The following TCF7L2 variants were observed in gnomAD, a reference collection of about 807,000 sequenced individuals.
TCF7L2 encodes the protein transcription factor 7 like 2.
A neutral mutation model predicts 77.9 loss-of-function variants in TCF7L2; 23 were observed. The observed-to-expected ratio is 0.30, with a 90% CI of 0.21 to 0.42. The LOEUF is 0.42. Ranked by LOEUF, TCF7L2 falls within the 10% of genes least tolerant of loss-of-function variation. TCF7L2 has a pLI of 1.00. For missense variants in TCF7L2, 654 were observed against 793.1 expected, an observed-to-expected ratio of 0.82 and a Z score of 2.11; for synonymous variants, 413 against 340.2, an observed-to-expected ratio of 1.21 and a Z score of -2.36.
intron 5 of TCF7L2, among the ~76,000 whole-genome samples, chr10:113,070,634 G>A (rs1363272128): frequency 6.6e-6 from 1 of 152,182 alleles, no homozygotes. Flanking sequence ...AGAAGGTACT[G>A]AAGTCTCAAG....
intron 4 of TCF7L2, among the ~76,000 whole-genome samples, chr10:112,983,639 A>G (rs758270405): frequency 1.5e-4 from 23 of 152,278 alleles, no homozygotes; most frequent in Non-Finnish European, 2.8e-4. Flanking sequence ...CTGAGTTTGT[A>G]ATAAGCGTGT....
chr10:113,121,868 G>A (rs1277529290), intron 5 of TCF7L2, among the ~76,000 whole-genome samples: 1 of 152,166 alleles, frequency 6.6e-6, no homozygotes, highest in Non-Finnish European at 1.5e-5. Context: ...GGGGTGCTGA[G>A]GCAGCCCTGA....
chr10:113,028,330 GC>G (rs2049580179), intron 4 of TCF7L2, among the ~76,000 whole-genome samples: 1 of 152,124 alleles, frequency 6.6e-6, no homozygotes, highest in African/African-American at 2.4e-5. Context: ...GGGTCGTGGG[GC>G]CTCCAGAAGG....
chr10:113,007,308 A>T (rs1408402815), intron 4 of TCF7L2, among the ~76,000 whole-genome samples: 1 of 152,176 alleles, frequency 6.6e-6, no homozygotes, highest in East Asian at 1.9e-4. Context: ...GGGCAACCTC[A>T]TTCCTTCTCT....
chr10:113,111,835 A>G (rs34855922), intron 5 of TCF7L2, among the ~76,000 whole-genome samples: 31,683 of 152,178 alleles, frequency 0.21, 4,069 homozygotes, highest in Non-Finnish European at 0.28. Flanking sequence ...TTAACCAGCT[A>G]ATCTCAAATC....
intron 5 of TCF7L2, chr10:113,126,867 A>C: frequency 1.0e-6 from 1 of 986,520 alleles, no homozygotes; most frequent in Non-Finnish European, 1.2e-6. Flanking sequence ...ACAGCGCCGC[A>C]ACCCTCTCTA....
In TCF7L2 at chr10:112,960,764, T is replaced by C. The variant is rs951946771; in HGVS notation, c.382-3792T>C. Among the ~76,000 whole-genome samples, 4 of 151,886 alleles carry C rather than the reference T, an allele frequency of 2.6e-5. No individual in the cohort carries two copies. The East Asian group carries it at 5.8e-4, about 22-fold the overall frequency. ...GTGCAGTGGTGCGATCTTGGCTCAC[T>C]GTAGCCTCTGCCTTCCCGGCTCAAG... On this transcript the variant is annotated intron_variant, in intron 3 of 13. Coordinates refer to ENST00000627217, the MANE Select transcript of TCF7L2 (RefSeq NM_001146274.2).
chr10:113,161,700 T>G (rs1461489405), intron 13 of TCF7L2: 3 of 1,342,622 alleles, frequency 2.2e-6, no homozygotes, highest in Non-Finnish European at 3.1e-6. Context: ...GCTCCGTGTT[T>G]AGACGTTAGA....
At position 112,950,674 on chromosome 10, in the gene TCF7L2, A is replaced by C; in HGVS notation, c.-83A>C. The C allele has an allele frequency of 1.4e-6, 2 of 1,452,602 alleles. No individual in the cohort carries two copies. The highest frequency in any genetic ancestry group is 1.5e-5 in the African/African-American group (1 of 68,000). 90.0% of individuals were successfully genotyped at this position (1,452,602 alleles called of 1,614,324 possible). ...TTCTTGCAATATTTTTTGGGGGGGC[A>C]AAACTTTTTGGGGGTGATTTTTTTT... On this transcript the variant is annotated 5_prime_UTR_variant, in exon 1 of 14. Transcript: ENST00000627217.
chr10:113,083,247 C>A (rs1306439552), intron 5 of TCF7L2, among the ~76,000 whole-genome samples: 1 of 128,844 alleles, frequency 7.8e-6, no homozygotes, highest in Admixed American at 8.8e-5. Flanking sequence ...CTGCCCTCCA[C>A]ATATACTGAT....
intron 4 of TCF7L2, among the ~76,000 whole-genome samples, chr10:113,036,922 T>C (rs969802437): frequency 6.6e-6 from 1 of 152,032 alleles, no homozygotes; most frequent in African/African-American, 2.4e-5. Flanking sequence ...CTAAGTCAGA[T>C]GGTTGGGAAA....
In TCF7L2 at chr10:112,964,674, C is replaced by T. The variant is rs1377543655; in HGVS notation, c.450+50C>T. 3 of 1,522,832 alleles carry T rather than the reference C, an allele frequency of 2.0e-6. No homozygotes were observed. The South Asian group carries it at 3.4e-5, about 17-fold the overall frequency. The allele number at this position is 1,522,832 out of a possible 1,614,324, so 94.3% of individuals were successfully genotyped here. ...GCTTGAATTGTCTATATGTAGGTCT[C>T]TTGTGTGTTTTATTCTCCGCCCCTT... is the stretch of plus-strand genomic sequence containing the variant. On this transcript the variant is annotated intron_variant, in intron 4 of 13. Coordinates refer to ENST00000627217, the MANE Select transcript of TCF7L2 (RefSeq NM_001146274.2).
rs2134178041 is a variant in TCF7L2 at position 112,950,870 on chromosome 10, G to A, written c.114G>A (p.Glu38=). The A allele has an allele frequency of 3.1e-6, 5 of 1,611,818 alleles. No individual in the cohort carries two copies. Among genetic ancestry groups the A allele is most frequent in the Non-Finnish European group, 4.2e-6 (5 of 1,179,200 alleles). The change falls in exon 1 of 14, where the codon GAG becomes GAA. Residue 38 remains glutamate (E), a synonymous_variant. Transcript: ENST00000627217. ...AGAGCTCCGAAAACTCCTCGGCAGA[G>A]AGGGATTTAGCTGATGTCAAATCGT...
intron 4 of TCF7L2, among the ~76,000 whole-genome samples, chr10:112,977,943 T>A (rs2039742007): frequency 6.6e-6 from 1 of 152,144 alleles, no homozygotes; most frequent in African/African-American, 2.4e-5. Context: ...GAGTTGTTTT[T>A]CCTAAATGCT....
chr10:113,103,349 T>C (rs950314468), intron 5 of TCF7L2, among the ~76,000 whole-genome samples: 16 of 152,242 alleles, frequency 1.1e-4, no homozygotes, highest in South Asian at 4.1e-4. Context: ...CTCTCTGCAA[T>C]TGGCAACATA....
In TCF7L2 at chr10:113,161,204, C is replaced by T. The variant is rs144813533; in HGVS notation, c.1391+513C>T. 22 of 296,150 alleles carry T rather than the reference C, an allele frequency of 7.4e-5. No individual in the cohort carries two copies. In the East Asian group the frequency reaches 7.8e-4, roughly 11 times the overall value. The allele number at this position is 296,150 out of a possible 1,614,324, so 18.3% of individuals were successfully genotyped here. On this transcript the variant is annotated intron_variant, in intron 13 of 13. Coordinates refer to ENST00000627217, the MANE Select transcript of TCF7L2 (RefSeq NM_001146274.2). Reference sequence around the variant, plus strand: ...TATGTTTAAAAACCACATGTCTGTACGGAGGAGCTTGGTTAGCTGACATTG... The same window carrying T: ...TATGTTTAAAAACCACATGTCTGTATGGAGGAGCTTGGTTAGCTGACATTG...
chr10:112,978,633 A>ATTTTTTTTTTTT (rs988727404), intron 4 of TCF7L2, among the ~76,000 whole-genome samples: 1 of 126,872 alleles, frequency 7.9e-6, no homozygotes, highest in African/African-American at 3.0e-5. Context: ...CGCCTGGCTA[A>ATTTTTTTTTTTT]TTTTTTTTTT....
intron 5 of TCF7L2, among the ~76,000 whole-genome samples, chr10:113,073,503 C>CAAA (rs35730806): frequency 5.0e-4 from 22 of 43,968 alleles, no homozygotes; most frequent in Admixed American, 1.2e-3. Context: ...CGGTCTCTAC[C>CAAA]AAAAAAAAAA....
intron 5 of TCF7L2, among the ~76,000 whole-genome samples, chr10:113,067,364 C>T (rs986546001): frequency 1.3e-5 from 2 of 152,222 alleles, no homozygotes; most frequent in African/African-American, 4.8e-5. Context: ...AATGCTTGGA[C>T]TGCAGCACAG....
Sources: allele counts gnomAD v4.1 joint callset (sites outside exome capture counted in the v4.1 genomes callset), GRCh38; gene constraint gnomAD v4.1.1; transcripts MANE v1.5; gene names NCBI Gene and HGNC (gene_info 2026-07-23, HGNC 2026-07-21).